Variants in COL8A2 observed in about 807,000 individuals in gnomAD.
COL8A2 encodes collagen type VIII alpha 2 chain, also known as collagen alpha-2(VIII) chain.
In COL8A2, 16 loss-of-function variants were observed where a neutral mutation model predicts 24.0. That is an observed-to-expected ratio of 0.67 (90% CI 0.45 to 1.01). COL8A2 has a LOEUF of 1.01. COL8A2 is among the 50% of genes least tolerant of loss of function. COL8A2 has a pLI of 0.00. For missense variants in COL8A2, 818 were observed against 942.4 expected (o/e 0.87, Z 1.73); for synonymous variants, 466 against 424.5 (o/e 1.10, Z -1.20).
rs754676026 is a variant in COL8A2, at chr1:36,123,440, A to G, written c.-62+1617T>C. Among the ~76,000 whole-genome samples, 2 of 152,112 alleles carry G rather than the reference A, an allele frequency of 1.3e-5. No homozygotes were observed. The highest frequency in any genetic ancestry group is 2.9e-5 in the Non-Finnish European group (2 of 68,022). On this transcript the variant is annotated intron_variant, in intron 1 of 3. Transcript: ENST00000397799. This position sits in a 1 kb window ranked among gnomAD's most constrained non-coding sequence, Gnocchi z 4.1. ...CTTGCTAACAGACACATTCACTTCC[A>G]TATTTTCTTTCCCCTTCCTCTGAGC...
chr1:36,101,339 T>C (rs184423976), intron 2 of COL8A2, among the ~76,000 whole-genome samples: 1 of 152,194 alleles, frequency 6.6e-6, no homozygotes, highest in Non-Finnish European at 1.5e-5. Context: ...TTAACACTTC[T>C]GGCCTTTGCG....
At chr1:36,100,506 C>G (rs896263497) in intron 2 of COL8A2, among the ~76,000 whole-genome samples, 3 of 152,144 alleles carry the variant, frequency 2.0e-5, no homozygotes, top group Non-Finnish European at 4.4e-5. Context: ...TCCGAGAGCC[C>G]AGCCTCCCCA....
intron 2 of COL8A2, among the ~76,000 whole-genome samples, chr1:36,111,790 G>A (rs978010418): frequency 6.6e-6 from 1 of 151,872 alleles, no homozygotes; most frequent in Non-Finnish European, 1.5e-5. Context: ...GGGCTCAAGT[G>A]ATCCTCCCAC....
At chr1:36,108,980 G>T (rs1643799974) in intron 2 of COL8A2, among the ~76,000 whole-genome samples, 1 of 152,110 alleles carries the variant, frequency 6.6e-6, no homozygotes, top group African/African-American at 2.4e-5. Context: ...AAAAAGGGGG[G>T]CCTGAGAGTT....
chr1:36,099,519 G>T, intron 3 of COL8A2, 32 bp from the exon 4 acceptor site: 1 of 1,473,468 alleles, frequency 6.8e-7, no homozygotes, highest in Non-Finnish European at 9.2e-7. Flanking sequence ...GCAGTCAGGG[G>T]CCTGAACTGT....
chr1:36,097,980 G>T lies in COL8A2; in HGVS notation c.1701C>A (p.Gly567=). The T allele has an allele frequency of 6.2e-7, 1 of 1,605,316 alleles. No individual in the cohort carries two copies. The highest frequency in any genetic ancestry group is 2.2e-5 in the East Asian group (1 of 44,742). The part of the protein sequence containing the change: ...GKGGKPQFGL[G]ELSAHATPAF... The stretch of plus-strand genomic sequence containing the variant: ...CCGGTGTGGCATGGGCAGACAGCTC[G>T]CCCAGCCCAAACTGTGGCTTGCCCC... The change falls in exon 4 of 4, where the codon GGC becomes GGA. Residue 567 remains glycine (G), a synonymous_variant. Transcript: ENST00000397799.
chr1:36,099,254 G>A lies in COL8A2; in HGVS notation c.427C>T (p.Arg143Trp), dbSNP rs749319879. 2.1e-5 allele frequency: 32 copies of A among 1,548,762 alleles called. No individual in the cohort carries two copies. The highest frequency in any genetic ancestry group is 1.9e-4 in the Middle Eastern group (1 of 5,404). The change falls in exon 4 of 4, where the codon CGG becomes TGG. Residue 143 changes from arginine (R) to tryptophan (W), a missense_variant. Coordinates refer to ENST00000397799, the MANE Select transcript of COL8A2 (RefSeq NM_005202.4). ...KVGPPGQPGL[R>W]GEPGIRGDQG... is the part of the protein sequence containing the mutation. Reference sequence around the variant, plus strand: ...TCCCCTCGTATTCCTGGCTCCCCCCGAAGCCCCGGCTGCCCTGGTGGCCCG... The same window carrying A: ...TCCCCTCGTATTCCTGGCTCCCCCCAAAGCCCCGGCTGCCCTGGTGGCCCG...
At chr1:36,099,538 G>A in intron 3 of COL8A2, 51 bp from the exon 4 acceptor site, 1 of 1,364,260 alleles carries the variant, frequency 7.3e-7, no homozygotes, top group Non-Finnish European at 1.0e-6. Context: ...GTGGGGACAG[G>A]GGACCCCATC....
Position 36,098,892 on chromosome 1 carries a change from C to G in COL8A2, c.789G>C (p.Arg263Ser), listed in dbSNP as rs561429435. ...ESGPPGVPGPRGEPGAVGPKG... is the reference protein window; with the variant it reads ...ESGPPGVPGPSGEPGAVGPKG... ...TTGGGCCCACAGCTCCTGGCTCCCCCCTGGGGCCTGGAACTCCAGGAGGCC... is the reference window on the plus strand; with the variant it reads ...TTGGGCCCACAGCTCCTGGCTCCCCGCTGGGGCCTGGAACTCCAGGAGGCC... The change falls in exon 4 of 4, where the codon AGG becomes AGC. Residue 263 changes from arginine (R) to serine (S), a missense_variant. Around this residue, in one of 3 missense-constraint regions of COL8A2, gnomAD observed 573 missense variants for 616.8 expected, o/e 0.93. Coordinates refer to ENST00000397799, the MANE Select transcript of COL8A2 (RefSeq NM_005202.4). The G allele has an allele frequency of 8.8e-5, 142 of 1,612,438 alleles. No homozygotes were observed. The highest frequency in any genetic ancestry group is 1.5e-4 in the African/African-American group (11 of 74,996).
intron 1 of COL8A2, among the ~76,000 whole-genome samples, chr1:36,118,424 T>C (rs1643889551): frequency 6.6e-6 from 1 of 152,194 alleles, no homozygotes; most frequent in Non-Finnish European, 1.5e-5. Flanking sequence ...GGGCAGCTAC[T>C]ATCAGGTGCC....
rs200364502 is a variant in COL8A2, at chr1:36,098,288, G to A, written c.1393C>T (p.Pro465Ser). 1.9e-5 allele frequency: 30 copies of A among 1,547,116 alleles called. No individual in the cohort carries two copies. The African/African-American group carries it at 3.7e-4, about 19-fold the overall frequency. ...GGGCCAGCTGGACCCTGGAGTCCTGGGATTCCTGAGGGACCCCTCAGGCCA... is the reference window on the plus strand; with the variant it reads ...GGGCCAGCTGGACCCTGGAGTCCTGAGATTCCTGAGGGACCCCTCAGGCCA... ...QPGLRGPSGIPGLQGPAGPIG... is the reference protein window; with the variant it reads ...QPGLRGPSGISGLQGPAGPIG... The change falls in exon 4 of 4, where the codon CCA (proline) becomes TCA (serine). Residue 465 changes from proline (P) to serine (S), a missense_variant. Physicochemically the swap from Pro to Ser is moderately conservative, Grantham distance 74. Coordinates refer to ENST00000397799, the MANE Select transcript of COL8A2 (RefSeq NM_005202.4).
Position 36,097,721 on chromosome 1 carries a change from C to A in COL8A2, c.1960G>T (p.Gly654Cys). ...CCACCAGATGCCTGGTCCAGGTAGC[C>A]CTTCTTGTACTCATCGTAGGTATAG... The part of the protein sequence containing the change: ...ATYTYDEYKK[G>C]YLDQASGGAV... Residue 654 changes from glycine (G) to cysteine (C), a missense_variant, in exon 4 of 4, where the codon GGC becomes TGC. Gly to Cys is a radical substitution (Grantham distance 159). This residue lies in a region of COL8A2 where 235 missense variants were observed against 297.3 expected (regional missense o/e 0.79). Transcript: ENST00000397799. 1 of 1,613,756 alleles carries A rather than the reference C, an allele frequency of 6.2e-7. No individual in the cohort carries two copies. The highest frequency in any genetic ancestry group is 8.5e-7 in the Non-Finnish European group (1 of 1,180,022).
intron 1 of COL8A2, among the ~76,000 whole-genome samples, chr1:36,119,351 T>A (rs181882797): frequency 4.6e-5 from 7 of 152,238 alleles, no homozygotes; most frequent in African/African-American, 1.7e-4. Context: ...TTTGCCCAAG[T>A]TCCCCCAGCC....
intron 2 of COL8A2, among the ~76,000 whole-genome samples, chr1:36,111,114 C>A (rs1449667074): frequency 6.6e-6 from 1 of 152,172 alleles, no homozygotes; most frequent in Non-Finnish European, 1.5e-5. Context: ...CCCTCCACAC[C>A]TCTTCCTCGG....
chr1:36,112,601 C>T (rs1229466579), intron 2 of COL8A2, among the ~76,000 whole-genome samples: 1 of 152,138 alleles, frequency 6.6e-6, no homozygotes, highest in Non-Finnish European at 1.5e-5. Flanking sequence ...CTCAGCCCAG[C>T]ACCTGGCACA....
In COL8A2 at chr1:36,098,015, G is replaced by C; in HGVS notation, c.1666C>G (p.Leu556Val). The C allele has an allele frequency of 6.3e-7, 1 of 1,596,320 alleles. No homozygotes were observed. The highest frequency in any genetic ancestry group is 8.5e-7 in the Non-Finnish European group (1 of 1,175,638). ...LPNGGVEGAVLGKGGKPQFGL... is the reference protein window; with the variant it reads ...LPNGGVEGAVVGKGGKPQFGL... ...AACTGTGGCTTGCCCCCCTTGCCCA[G>C]CACGGCACCCTCCACACCGCCGTTG... The change falls in exon 4 of 4, where the codon CTG becomes GTG. Residue 556 changes from leucine (L) to valine (V), a missense_variant. Coordinates refer to ENST00000397799, the MANE Select transcript of COL8A2 (RefSeq NM_005202.4).
intron 1 of COL8A2, among the ~76,000 whole-genome samples, chr1:36,122,788 G>T (rs910813231): frequency 5.9e-5 from 9 of 152,056 alleles, no homozygotes; most frequent in Non-Finnish European, 8.8e-5. Context: ...GTGATTCCCA[G>T]ATTATATCAT....
intron 1 of COL8A2, among the ~76,000 whole-genome samples, chr1:36,121,642 G>A (rs186991025): frequency 1.2e-3 from 185 of 151,678 alleles, no homozygotes; most frequent in African/African-American, 4.3e-3. Context: ...GGGAGGTGGA[G>A]GTTGCAGTGA....
rs1346463592 is a variant in COL8A2, at chr1:36,098,453, C to T, written c.1228G>A (p.Glu410Lys). The T allele has an allele frequency of 6.3e-7, 1 of 1,579,338 alleles. No individual in the cohort carries two copies. Among genetic ancestry groups the T allele is most frequent in the Non-Finnish European group, 8.6e-7 (1 of 1,163,142 alleles). The part of the protein sequence containing the change: ...GLAGKPGVPG[E>K]RGLPGAHGPP... ...CCATGGGCCCCAGGAAGTCCCCTCT[C>T]ACCTGGGACCCCTGGTTTCCCAGCC... The change falls in exon 4 of 4, where the codon GAG (glutamate) becomes AAG (lysine). Residue 410 changes from glutamate to lysine, a missense_variant. Glu to Lys is a moderately conservative substitution (Grantham distance 56, BLOSUM62 1). Around this residue, in one of 3 missense-constraint regions of COL8A2, gnomAD observed 573 missense variants for 616.8 expected, o/e 0.93. Transcript: ENST00000397799.
Sources: allele counts gnomAD v4.1 joint callset (sites outside exome capture counted in the v4.1 genomes callset), GRCh38; gene constraint gnomAD v4.1.1; regional missense constraint gnomAD v4.1.1; non-coding constraint Gnocchi (gnomAD v3.1); transcripts MANE v1.5; gene names NCBI Gene and HGNC (gene_info 2026-07-23, HGNC 2026-07-21).